Variants in TENM2 observed in about 807,000 individuals in gnomAD.
The protein encoded by TENM2 is teneurin transmembrane protein 2.
A neutral mutation model predicts 245.2 loss-of-function variants in TENM2; 52 were observed. The observed-to-expected ratio is 0.21, with a 90% CI of 0.17 to 0.27. The LOEUF is 0.27. TENM2 is among the 10% of genes least tolerant of loss of function. TENM2 has a pLI of 1.00. For missense variants in TENM2, 3,046 were observed against 3,666.8 expected, an observed-to-expected ratio of 0.83 and a Z score of 4.37; for synonymous variants, 1,363 against 1,438.9, an observed-to-expected ratio of 0.95 and a Z score of 1.19.
the TENM2 span, among the ~76,000 whole-genome samples, chr5:167,127,226 G>A: frequency 1.3e-5 from 2 of 152,202 alleles, no homozygotes. Context: ...TTTTAAAAAC[G>A]AATCTCTCAG....
the TENM2 span, among the ~76,000 whole-genome samples, chr5:167,063,190 C>T: frequency 2.6e-5 from 4 of 152,112 alleles, no homozygotes; most frequent in African/African-American, 4.8e-5. Context: ...TCTGGAGCCA[C>T]GTGTTGACTC....
At chr5:168,034,170 T>TAC (rs1787446863) in intron 5 of TENM2, among the ~76,000 whole-genome samples, 1 of 102,968 alleles carries the variant, frequency 9.7e-6, no homozygotes, top group African/African-American at 3.5e-5. Flanking sequence ...TATGTATATA[T>TAC]ATACACACAC....
chr5:168,174,899 G>T (rs1429992460), intron 13 of TENM2, among the ~76,000 whole-genome samples: 1 of 152,190 alleles, frequency 6.6e-6, no homozygotes, highest in Non-Finnish European at 1.5e-5. Flanking sequence ...CGAAAAATGT[G>T]GAAGGAGTTT....
chr5:167,694,290 A>G (rs941523457), intron 2 of TENM2, among the ~76,000 whole-genome samples: 1 of 152,134 alleles, frequency 6.6e-6, no homozygotes, highest in Non-Finnish European at 1.5e-5. Context: ...GGATCTCTAC[A>G]AAACTGGGAT....
In TENM2 at chr5:168,244,337, C is replaced by T. The variant is rs1324236856; in HGVS notation, c.5521-83C>T. On this transcript the variant is annotated intron_variant, in intron 25 of 28. Transcript: ENST00000518659. The surrounding 1 kb of genome is among the most constrained non-coding windows in gnomAD (Gnocchi z 4.9). ...CTCCAGTGAACACTTAAGCCCTGGCCATGCCAGCCATGTCCTCCACAGAAG... is the reference window on the plus strand; with the variant it reads ...CTCCAGTGAACACTTAAGCCCTGGCTATGCCAGCCATGTCCTCCACAGAAG... 1.7e-6 allele frequency: 2 copies of T among 1,168,502 alleles called. No homozygotes were observed. Among genetic ancestry groups the T allele is most frequent in the Admixed American group, 6.4e-5 (2 of 31,286 alleles). 72.4% of individuals were successfully genotyped at this position (1,168,502 alleles called of 1,614,324 possible). A position where few individuals can be genotyped will look rare whatever the true frequency, so the allele number is the denominator to read the frequency against.
intron 2 of TENM2, among the ~76,000 whole-genome samples, chr5:167,514,780 G>C (rs1442103817): frequency 2.0e-5 from 3 of 152,164 alleles, no homozygotes; most frequent in East Asian, 3.9e-4. Flanking sequence ...GGAGGCTGAG[G>C]GGGGTGGATC....
chr5:167,434,328 C>A (rs56927455), intron 2 of TENM2, among the ~76,000 whole-genome samples: 2,642 of 137,800 alleles, frequency 0.019, 76 homozygotes, highest in African/African-American at 0.068. Flanking sequence ...GTAGGAGAAT[C>A]GATTGAACCC....
At chr5:168,123,335 G>C (rs4976571) in intron 10 of TENM2, among the ~76,000 whole-genome samples, 19 of 151,852 alleles carry the variant, frequency 1.3e-4, no homozygotes, top group African/African-American at 4.3e-4. Context: ...GCATTATTTT[G>C]TGCCCCATAG....
intron 2 of TENM2, among the ~76,000 whole-genome samples, chr5:167,833,246 A>G (rs1242945619): frequency 6.6e-6 from 1 of 152,154 alleles, no homozygotes; most frequent in Non-Finnish European, 1.5e-5. Flanking sequence ...GTATCCACAA[A>G]CGTTATTAAA....
the TENM2 span, among the ~76,000 whole-genome samples, chr5:167,186,726 C>G: frequency 4.7e-3 from 711 of 152,292 alleles, 7 homozygotes; most frequent in African/African-American, 0.015. Context: ...AACATGAAAT[C>G]CAAATCGACA....
At chr5:167,943,336 T>G (rs1779343634) in intron 3 of TENM2, among the ~76,000 whole-genome samples, 1 of 152,124 alleles carries the variant, frequency 6.6e-6, no homozygotes, top group African/African-American at 2.4e-5. Context: ...CAAATCAAAA[T>G]TATATTTTAT....
intron 3 of TENM2, among the ~76,000 whole-genome samples, chr5:167,913,424 G>T (rs534943390): frequency 6.6e-6 from 1 of 152,152 alleles, no homozygotes; most frequent in Non-Finnish European, 1.5e-5. Context: ...TTATGCAGAC[G>T]CTCTTTTTAT....
chr5:167,791,220 A>G (rs1764932811), intron 2 of TENM2, among the ~76,000 whole-genome samples: 1 of 151,788 alleles, frequency 6.6e-6, no homozygotes. Flanking sequence ...TTTTTTGTAT[A>G]CTTTTGATTT....
chr5:166,994,787 C>G, the TENM2 span, among the ~76,000 whole-genome samples: 1 of 152,134 alleles, frequency 6.6e-6, no homozygotes, highest in Non-Finnish European at 1.5e-5. Context: ...TTGAGCCACC[C>G]TGCTTGTCTG....
intron 2 of TENM2, among the ~76,000 whole-genome samples, chr5:167,805,496 T>G (rs1766098548): frequency 1.3e-5 from 2 of 152,042 alleles, no homozygotes; most frequent in Admixed American, 6.6e-5. Flanking sequence ...GCTCACAGAG[T>G]GCTTCACAGG....
Position 168,199,036 on chromosome 5 carries a change from T to A in TENM2, c.3084T>A (p.Asp1028Glu). The A allele has an allele frequency of 6.2e-7, 1 of 1,613,920 alleles. No homozygotes were observed. The highest frequency in any genetic ancestry group is 1.6e-4 in the Middle Eastern group (1 of 6,062). ...ACCTCAGTGGCTTTGTCCGGCCTGA[T>A]CCAATCATCATCTCCTCCCCACTGT... Residue 1028 changes from aspartate (D) to glutamate (E), a missense_variant, in exon 16 of 29, where the codon GAT becomes GAA. Asp to Glu is a conservative substitution (Grantham distance 45). This residue lies in a region of TENM2 where 2,704 missense variants were observed against 3,331.9 expected (regional missense o/e 0.81). Coordinates refer to ENST00000518659, the Ensembl canonical transcript of TENM2.
intron 5 of TENM2, among the ~76,000 whole-genome samples, chr5:168,010,558 T>G (rs913507934): frequency 3.3e-5 from 5 of 152,222 alleles, no homozygotes; most frequent in Admixed American, 1.3e-4. Context: ...TTTAGAACAG[T>G]GTTTTACAAT....
chr5:168,227,865 C>T, intron 24 of TENM2, 30 bp from the exon 27 acceptor site: 1 of 1,428,862 alleles, frequency 7.0e-7, no homozygotes, highest in Admixed American at 2.0e-5. Context: ...ATTTATTTCC[C>T]TATCCCCACC....
chr5:167,884,911 A>G (rs1167194025), intron 3 of TENM2, among the ~76,000 whole-genome samples: 7 of 152,116 alleles, frequency 4.6e-5, no homozygotes, highest in Non-Finnish European at 8.8e-5. Flanking sequence ...CATCTTCTCC[A>G]ATACTTGTTA....
Sources: gnomAD v4.1 joint callset for allele counts (sites outside exome capture counted in the v4.1 genomes callset) on GRCh38, gnomAD v4.1.1 for gene constraint, gnomAD v4.1.1 regional missense constraint, Gnocchi (gnomAD v3.1) non-coding constraint, MANE v1.5 for transcripts, NCBI Gene and HGNC (gene_info 2026-07-23, HGNC 2026-07-21) for gene names.